The following PCMTD1 variants were observed in gnomAD, a reference collection of about 807,000 sequenced individuals.
The protein encoded by PCMTD1 is protein-L-isoaspartate (D-aspartate) O-methyltransferase domain containing 1, also known as protein-L-isoaspartate O-methyltransferase domain-containing protein 1.
PCMTD1 carries 12 observed loss-of-function variants against 37.6 expected under a neutral mutation model. The observed-to-expected ratio is 0.32, with a 90% CI of 0.20 to 0.52. The LOEUF is 0.52. Ranked by LOEUF, PCMTD1 falls within the 20% of genes least tolerant of loss-of-function variation. PCMTD1 has a pLI of 0.97. For synonymous variants in PCMTD1, 117 were observed against 135.8 expected (o/e 0.86, Z 0.96); for missense variants, 235 against 421.3 (o/e 0.56, Z 3.87).
chr8:51,898,842 T>TC, intron 1 of PCMTD1, 88 bp downstream of exon 1: 1 of 1,196,800 alleles, frequency 8.4e-7, no homozygotes, highest in Non-Finnish European at 1.0e-6. Context: ...CCCTCTGGCC[T>TC]CCAAGCGCAT....
chr8:51,828,466 T>A (rs889142398), intron 5 of PCMTD1, among the ~76,000 whole-genome samples: 1 of 152,184 alleles, frequency 6.6e-6, no homozygotes, highest in Non-Finnish European at 1.5e-5. Context: ...AATGGTTCAA[T>A]GTAGGATTTT....
intron 3 of PCMTD1, among the ~76,000 whole-genome samples, chr8:51,843,465 G>A (rs989912893): frequency 6.6e-6 from 1 of 151,906 alleles, no homozygotes; most frequent in African/African-American, 2.4e-5. Flanking sequence ...AAAAATTACA[G>A]AGAAACATTT....
At chr8:51,848,077 C>T (rs567578628) in intron 2 of PCMTD1, among the ~76,000 whole-genome samples, 4 of 151,318 alleles carry the variant, frequency 2.6e-5, no homozygotes, top group South Asian at 2.1e-4. Context: ...AGAGAGAGAC[C>T]GTGGTTTTGT....
chr8:51,887,725 C>CA (rs1381706861), intron 1 of PCMTD1, among the ~76,000 whole-genome samples: 8 of 143,886 alleles, frequency 5.6e-5, no homozygotes, highest in African/African-American at 1.7e-4. Flanking sequence ...AACAGTTTCA[C>CA]AAAAAAGTTT....
intron 1 of PCMTD1, among the ~76,000 whole-genome samples, chr8:51,868,834 CATGAA>C (rs2129289110): frequency 6.6e-6 from 1 of 152,196 alleles, no homozygotes; most frequent in East Asian, 1.9e-4. Flanking sequence ...TTGCAGAAAA[CATGAA>C]AATAAAGTAA....
intron 5 of PCMTD1, chr8:51,826,911 A>G (rs559612542): frequency 4.8e-5 from 42 of 881,246 alleles, no homozygotes; most frequent in Non-Finnish European, 5.6e-5. Flanking sequence ...GTGGTGAATC[A>G]AGATGAAAAA....
intron 5 of PCMTD1, among the ~76,000 whole-genome samples, chr8:51,831,048 A>T (rs1238754873): frequency 6.6e-6 from 1 of 151,992 alleles, no homozygotes; most frequent in Non-Finnish European, 1.5e-5. Context: ...CTATAATCCC[A>T]GCACTTTGGG....
Position 51,820,441 on chromosome 8 carries a change from C to T in PCMTD1, c.984G>A (p.Glu328=). Residue 328 remains glutamate (E), a synonymous_variant, in exon 6 of 6, where the codon GAG becomes GAA. Transcript: ENST00000522514. Reference sequence around the variant, plus strand: ...TTTCTCTCAGTAAATTTTGAGGTGGCTCCTCTGGCTTCATTGCTTCATTGT... The same window carrying T: ...TTTCTCTCAGTAAATTTTGAGGTGGTTCCTCTGGCTTCATTGCTTCATTGT... ...KDHNEAMKPE[E]PPQNLLREKI... is the part of the protein sequence containing the mutation. 1.2e-6 allele frequency: 2 copies of T among 1,612,960 alleles called. No individual in the cohort carries two copies. Among genetic ancestry groups the T allele is most frequent in the Non-Finnish European group, 1.7e-6 (2 of 1,179,596 alleles).
At chr8:51,863,375 C>G in intron 1 of PCMTD1, among the ~76,000 whole-genome samples, 1 of 152,118 alleles carries the variant, frequency 6.6e-6, no homozygotes, top group East Asian at 1.9e-4. Context: ...TGGTCTTTAC[C>G]ACATAGCTCA....
intron 5 of PCMTD1, among the ~76,000 whole-genome samples, chr8:51,826,240 T>C (rs2037919457): frequency 1.3e-5 from 2 of 152,186 alleles, no homozygotes; most frequent in African/African-American, 4.8e-5. Flanking sequence ...CTGGAAACCA[T>C]CATTCTCAGC....
At chr8:51,833,300 C>T (rs376762148) in intron 4 of PCMTD1, among the ~76,000 whole-genome samples, 2 of 152,270 alleles carry the variant, frequency 1.3e-5, no homozygotes, top group South Asian at 2.1e-4. Context: ...GTTGAAAGCC[C>T]AAGTTACCTC....
chr8:51,880,779 A>G (rs2038780061), intron 1 of PCMTD1, among the ~76,000 whole-genome samples: 1 of 152,194 alleles, frequency 6.6e-6, no homozygotes, highest in South Asian at 2.1e-4. Context: ...CAGTTAATAA[A>G]CATTTTAGGA....
intron 1 of PCMTD1, among the ~76,000 whole-genome samples, chr8:51,898,105 AAAAT>A (rs2039034778): frequency 6.6e-6 from 1 of 152,214 alleles, no homozygotes; most frequent in Non-Finnish European, 1.5e-5. Flanking sequence ...TGTAATTAAA[AAAAT>A]AAATAGGGGA....
intron 2 of PCMTD1, among the ~76,000 whole-genome samples, chr8:51,855,587 T>C (rs2038374885): frequency 6.7e-6 from 1 of 150,336 alleles, no homozygotes; most frequent in Non-Finnish European, 1.5e-5. Context: ...TAACACAGTA[T>C]AGAGAAAAAA....
chr8:51,843,598 C>A (rs80270869), intron 3 of PCMTD1, among the ~76,000 whole-genome samples: 18 of 146,540 alleles, frequency 1.2e-4, no homozygotes, highest in African/African-American at 1.8e-4. Context: ...TTTACAATAA[C>A]AAAAAAAAAA....
chr8:51,839,472 G>T (rs931803335), intron 3 of PCMTD1: 1 of 985,246 alleles, frequency 1.0e-6, no homozygotes, highest in Non-Finnish European at 1.2e-6. Flanking sequence ...CTTTATAGGT[G>T]CATGTTGGAA....
intron 1 of PCMTD1, among the ~76,000 whole-genome samples, chr8:51,865,348 C>A (rs2038534947): frequency 6.6e-6 from 1 of 152,080 alleles, no homozygotes; most frequent in African/African-American, 2.4e-5. Context: ...TGCTCTGATA[C>A]TGAAGCTAGA....
At chr8:51,866,615 T>C (rs755095145) in intron 1 of PCMTD1, among the ~76,000 whole-genome samples, 4 of 151,840 alleles carry the variant, frequency 2.6e-5, no homozygotes, top group African/African-American at 4.8e-5. Context: ...TCACAACATA[T>C]ACAAAAATCA....
At chr8:51,895,029 G>A (rs1325993037) in intron 1 of PCMTD1, among the ~76,000 whole-genome samples, 2 of 152,186 alleles carry the variant, frequency 1.3e-5, no homozygotes, top group African/African-American at 4.8e-5. Flanking sequence ...AAATAAGGCT[G>A]ATGATACACA....
Sources: gnomAD v4.1 joint callset for allele counts (sites outside exome capture counted in the v4.1 genomes callset) on GRCh38, gnomAD v4.1.1 for gene constraint, MANE v1.5 for transcripts, NCBI Gene and HGNC (gene_info 2026-07-23, HGNC 2026-07-21) for gene names.